Variants in FANCC observed in about 807,000 individuals in gnomAD.
FANCC encodes the protein FA complementation group C, also known as Fanconi anemia group C protein.
A neutral mutation model predicts 71.3 loss-of-function variants in FANCC; 55 were observed. The observed-to-expected ratio is 0.77, with a 90% CI of 0.62 to 0.97. The LOEUF is 0.97. FANCC is among the 50% of genes least tolerant of loss of function. The pLI, the probability that FANCC is intolerant of heterozygous loss-of-function variation, is 0.00. For missense variants in FANCC, 678 were observed against 670.9 expected, an observed-to-expected ratio of 1.01 and a Z score of -0.12; for synonymous variants, 275 against 244.9, an observed-to-expected ratio of 1.12 and a Z score of -1.15.
intron 1 of FANCC, among the ~76,000 whole-genome samples, chr9:95,298,675 T>C (rs535566417): frequency 6.6e-6 from 1 of 152,344 alleles, no homozygotes; most frequent in South Asian, 2.1e-4. Context: ...AGCAGACCTG[T>C]AGCCCACCCA....
At chr9:95,310,045 C>CATTAAA (rs1382563573) in intron 1 of FANCC, among the ~76,000 whole-genome samples, 118 of 152,224 alleles carry the variant, frequency 7.8e-4, no homozygotes, top group East Asian at 2.9e-3. Context: ...AATGCCCCTG[C>CATTAAA]TGCACCAAGC....
chr9:95,317,619 C>T lies in FANCC; in HGVS notation c.-172G>A. On this transcript the variant is annotated 5_prime_UTR_variant, in exon 1 of 15. Transcript: ENST00000289081. ...CTGTGGCTTGAAAATTTGGCTTTGC[C>T]TCGTATTGGCTTTTTGAGTTTTTTT... 1 of 152,356 alleles carries T rather than the reference C, an allele frequency of 6.6e-6. No individual in the cohort carries two copies. The highest frequency in any genetic ancestry group is 2.1e-4 in the South Asian group (1 of 4,828). The allele number at this position is 152,356 out of a possible 1,614,324, so 9.4% of individuals were successfully genotyped here.
At chr9:95,197,861 C>A (rs1245471916) in intron 4 of FANCC, among the ~76,000 whole-genome samples, 4 of 152,146 alleles carry the variant, frequency 2.6e-5, no homozygotes, top group African/African-American at 7.2e-5. Flanking sequence ...ACTGATGAAG[C>A]CATCCAAAAA....
intron 10 of FANCC, among the ~76,000 whole-genome samples, chr9:95,118,151 C>T (rs62581082): frequency 3.3e-5 from 5 of 151,848 alleles, no homozygotes; most frequent in East Asian, 3.9e-4. Context: ...CCTGAGTAGC[C>T]GGGATTACAG....
intron 13 of FANCC, chr9:95,109,690 C>T (rs1192385238): frequency 6.6e-6 from 1 of 152,264 alleles, no homozygotes; most frequent in Non-Finnish European, 1.5e-5. Flanking sequence ...AGGACATCCA[C>T]AGAGGCAGTG....
intron 1 of FANCC, among the ~76,000 whole-genome samples, chr9:95,279,243 G>A (rs183738556): frequency 3.3e-5 from 5 of 151,960 alleles, no homozygotes; most frequent in South Asian, 2.1e-4. Context: ...GTTTGAGCCC[G>A]GGAGACAGAG....
intron 4 of FANCC, among the ~76,000 whole-genome samples, chr9:95,238,206 G>A (rs539191303): frequency 2.4e-4 from 37 of 152,148 alleles, no homozygotes; most frequent in Admixed American, 1.3e-3. Flanking sequence ...CTCTGGGAGC[G>A]GACCTTACCT....
intron 7 of FANCC, among the ~76,000 whole-genome samples, chr9:95,143,248 G>T (rs539087148): frequency 6.6e-6 from 1 of 152,172 alleles, no homozygotes; most frequent in Non-Finnish European, 1.5e-5. Context: ...CTCCAGGCAC[G>T]TCACCTTCCC....
intron 1 of FANCC, among the ~76,000 whole-genome samples, chr9:95,276,898 C>T (rs1202804754): frequency 1.3e-5 from 2 of 152,182 alleles, no homozygotes; most frequent in Non-Finnish European, 2.9e-5. Flanking sequence ...TAACTTTGCT[C>T]GCTTTTACTA....
At position 95,214,356 on chromosome 9, in the gene FANCC, C is replaced by T. The variant is rs72752331; in HGVS notation, c.345+26293G>A. On this transcript the variant is annotated intron_variant, in intron 4 of 14. Coordinates refer to ENST00000289081, the MANE Select transcript of FANCC (RefSeq NM_000136.3). ...CTGGGGTTGGAAGATCGGTTGAGCC[C>T]AGGAGTTTGAGACTACAGTGAGCCA... Among the ~76,000 whole-genome samples, 581 of 152,180 alleles carry T rather than the reference C, an allele frequency of 3.8e-3. 1 individual carries two copies. The highest frequency in any genetic ancestry group is 6.8e-3 in the Non-Finnish European group (460 of 68,012).
chr9:95,105,671 C>T (rs908544997), intron 14 of FANCC, among the ~76,000 whole-genome samples: 1 of 152,228 alleles, frequency 6.6e-6, no homozygotes, highest in African/African-American at 2.4e-5. Context: ...CCTTGGGAAA[C>T]TCTAGCACTT....
rs752310661 is a variant in FANCC, at chr9:95,100,518, T to C, written c.*1189A>G. 3.9e-5 allele frequency: 9 copies of C among 232,144 alleles called. No homozygotes were observed. Among genetic ancestry groups the C allele is most frequent in the Non-Finnish European group, 6.0e-5 (7 of 117,424 alleles). 14.4% of individuals were successfully genotyped at this position (232,144 alleles called of 1,614,324 possible). Reference sequence around the variant, plus strand: ...TGGACAAAAGCAAGTCTTGACTCACTTGACAAACAGAATAGACACAAAAGA... The same window carrying C: ...TGGACAAAAGCAAGTCTTGACTCACCTGACAAACAGAATAGACACAAAAGA... On this transcript the variant is annotated 3_prime_UTR_variant, in exon 15 of 15. Transcript: ENST00000289081.
chr9:95,294,631 A>G, intron 1 of FANCC: 1 of 1,581,250 alleles, frequency 6.3e-7, no homozygotes, highest in Non-Finnish European at 8.7e-7. Context: ...CAGTATAGAA[A>G]CACAGACCAT....
chr9:95,245,033 A>C (rs1830877883), intron 3 of FANCC, among the ~76,000 whole-genome samples: 1 of 152,190 alleles, frequency 6.6e-6, no homozygotes, highest in Admixed American at 6.5e-5. Context: ...ACACGACATC[A>C]TAAACCTCCC....
At chr9:95,195,196 C>CAAAAAAA (rs34771312) in intron 4 of FANCC, among the ~76,000 whole-genome samples, 1 of 42,620 alleles carries the variant, frequency 2.3e-5, no homozygotes, top group Non-Finnish European at 4.4e-5. Flanking sequence ...GACTCCGTCT[C>CAAAAAAA]AAAAAAAAAA....
chr9:95,127,861 C>A (rs375344766), intron 8 of FANCC, among the ~76,000 whole-genome samples: 1 of 152,244 alleles, frequency 6.6e-6, no homozygotes, highest in East Asian at 1.9e-4. Context: ...GGGCTCCAGG[C>A]AGGAGCTCTG....
chr9:95,257,729 CA>C (rs1301234865), intron 1 of FANCC, among the ~76,000 whole-genome samples: 6 of 152,186 alleles, frequency 3.9e-5, no homozygotes, highest in African/African-American at 1.4e-4. Context: ...TCAAAAAAAT[CA>C]ATGAATCCAG....
chr9:95,161,991 G>A lies in FANCC; in HGVS notation c.521+9088C>T, dbSNP rs188228320. ...TGGGTAGCCAGGATTACAGGCACCC[G>A]CCACCACACCCATCTAATTTTTGTA... On this transcript the variant is annotated intron_variant, in intron 6 of 14. Coordinates refer to ENST00000289081, the MANE Select transcript of FANCC (RefSeq NM_000136.3). Among the ~76,000 whole-genome samples, 29 of 152,130 alleles carry A rather than the reference G, an allele frequency of 1.9e-4. No homozygotes were observed. The East Asian group carries it at 5.2e-3, about 27-fold the overall frequency.
intron 4 of FANCC, among the ~76,000 whole-genome samples, chr9:95,175,196 T>C (rs1457051824): frequency 6.6e-6 from 1 of 152,168 alleles, no homozygotes; most frequent in Admixed American, 6.5e-5. Flanking sequence ...AGTGGAAACC[T>C]GCCATTTCTA....
Sources: gnomAD v4.1 joint callset for allele counts (sites outside exome capture counted in the v4.1 genomes callset) on GRCh38, gnomAD v4.1.1 for gene constraint, MANE v1.5 for transcripts, NCBI Gene and HGNC (gene_info 2026-07-23, HGNC 2026-07-21) for gene names.